TEX15: variants seen among roughly 807,000 people sequenced by gnomAD.
TEX15 encodes the protein testis-expressed protein 15.
A neutral mutation model predicts 237.3 loss-of-function variants in TEX15; 171 were observed. That is an observed-to-expected ratio of 0.72 (90% CI 0.64 to 0.82). The LOEUF (loss-of-function observed/expected upper bound fraction) is 0.82, where lower values mean the gene tolerates loss of function less well. Ranked by LOEUF, TEX15 falls within the 40% of genes least tolerant of loss-of-function variation. TEX15 has a pLI of 0.00. For synonymous variants in TEX15, 1,338 were observed against 1,269.8 expected (o/e 1.05, Z -1.14); for missense variants, 3,750 against 3,646.5 (o/e 1.03, Z -0.73).
At chr8:30,885,998 T>G (rs951365551) in intron 3 of TEX15, among the ~76,000 whole-genome samples, 2 of 152,226 alleles carry the variant, frequency 1.3e-5, no homozygotes, top group Admixed American at 6.5e-5. Flanking sequence ...TCCAAGTATC[T>G]TCATGGTAGC....
chr8:30,895,183 A>T (rs1432775349), intron 2 of TEX15, among the ~76,000 whole-genome samples: 2 of 152,028 alleles, frequency 1.3e-5, no homozygotes, highest in Non-Finnish European at 2.9e-5. Flanking sequence ...CCCATACCAA[A>T]AAAAATATGT....
intron 3 of TEX15, 55 bp downstream of exon 3, chr8:30,887,112 A>G: frequency 4.2e-6 from 6 of 1,414,658 alleles, no homozygotes; most frequent in Non-Finnish European, 4.7e-6. Flanking sequence ...TAAACTAAGA[A>G]TCAGAGAAAT....
rs1182736689 is a variant in TEX15, at chr8:30,874,894, AAC to A, written c.302+41_302+42del. 1.3e-5 allele frequency: 15 copies of A among 1,198,396 alleles called. No homozygotes were observed. In the African/African-American group the frequency reaches 2.3e-4, roughly 19 times the overall value. The allele number at this position is 1,198,396 out of a possible 1,614,324, so 74.2% of individuals were successfully genotyped here. On this transcript the variant is annotated intron_variant, in intron 4 of 10. Transcript: ENST00000643185. ...ATTAGCATAAAACTCCATAGTAACA[AAC>A]ACAACAAAATCTCAAACACGTTTAG...
intron 4 of TEX15, among the ~76,000 whole-genome samples, chr8:30,872,970 T>A (rs1585301135): frequency 6.6e-6 from 1 of 152,164 alleles, no homozygotes; most frequent in African/African-American, 2.4e-5. Flanking sequence ...GTGTTTATAA[T>A]GTCTACAGTA....
chr8:30,910,141 A>T (rs992032136), intron 1 of TEX15, among the ~76,000 whole-genome samples: 9 of 151,580 alleles, frequency 5.9e-5, no homozygotes, highest in Non-Finnish European at 1.2e-4. Flanking sequence ...GAAATTTTGT[A>T]ATCCAGTACA....
intron 1 of TEX15, among the ~76,000 whole-genome samples, chr8:30,904,961 T>G (rs1465844214): frequency 2.0e-5 from 3 of 152,208 alleles, no homozygotes; most frequent in African/African-American, 7.2e-5. Context: ...ATGTATCTAA[T>G]TATACATCTT....
At position 30,837,023 on chromosome 8, in the gene TEX15, T is replaced by C; in HGVS notation, c.9261A>G (p.Thr3087=). 6.2e-7 allele frequency: 1 copy of C among 1,614,174 alleles called. No homozygotes were observed. Among genetic ancestry groups the C allele is most frequent in the Non-Finnish European group, 8.5e-7 (1 of 1,180,032 alleles). ...ATTGAGAGTACAGAAGATTAGAATG[T>C]GTGCCCTGGGCAGTACTTGCAACTG... ...LTTVASTAQG[T]HSNLLYSQYF... Residue 3087 remains threonine, a synonymous_variant, in exon 10 of 11, where the codon ACA becomes ACG. Coordinates refer to ENST00000643185, the MANE Select transcript of TEX15 (RefSeq NM_001350162.2).
chr8:30,859,513 T>G (rs559394802), intron 6 of TEX15, among the ~76,000 whole-genome samples: 1 of 152,136 alleles, frequency 6.6e-6, no homozygotes, highest in East Asian at 1.9e-4. Flanking sequence ...TAAATCAAGG[T>G]AATTAACATG....
chr8:30,898,746 C>A lies in TEX15; in HGVS notation c.-14G>T, dbSNP rs1808953884. On this transcript the variant is annotated 5_prime_UTR_variant, in exon 2 of 11. An upstream open reading frame in the 5' UTR gains an earlier in-frame stop. Transcript: ENST00000643185. ...GCCATTATTTGAAATACTTACCACT[C>A]TTCAATGGCATCCAGCATTACACAG... 1 of 152,148 alleles carries A rather than the reference C, an allele frequency of 6.6e-6. No homozygotes were observed. Among genetic ancestry groups the A allele is most frequent in the Admixed American group, 6.5e-5 (1 of 15,278 alleles). The allele number at this position is 152,148 out of a possible 1,614,324, so 9.4% of individuals were successfully genotyped here.
At chr8:30,839,058 C>T (rs541647451) in intron 9 of TEX15, among the ~76,000 whole-genome samples, 3 of 152,000 alleles carry the variant, frequency 2.0e-5, no homozygotes, top group South Asian at 4.1e-4. Flanking sequence ...TCAGGTGATC[C>T]GCCCGCCTTG....
rs1809028510 is a variant in TEX15 at position 30,902,565 on chromosome 8, T to C, written c.-85-3748A>G. ...TAACACAGGTTGCCAATTCCTGGTA[T>C]ACACATGCAGTAATATCCACATGGG... is the stretch of plus-strand genomic sequence containing the variant. On this transcript the variant is annotated intron_variant, in intron 1 of 10. Coordinates refer to ENST00000643185, the MANE Select transcript of TEX15 (RefSeq NM_001350162.2). Among the ~76,000 whole-genome samples, 6 of 152,334 alleles carry C rather than the reference T, an allele frequency of 3.9e-5. No homozygotes were observed. In the South Asian group the frequency reaches 1.0e-3, roughly 26 times the overall value.
intron 1 of TEX15, among the ~76,000 whole-genome samples, chr8:30,904,593 G>A (rs892407242): frequency 2.0e-5 from 3 of 151,986 alleles, no homozygotes; most frequent in Admixed American, 2.0e-4. Flanking sequence ...AACTAGGATT[G>A]ACCAATACTG....
chr8:30,889,274 A>C (rs1808731904), intron 2 of TEX15, among the ~76,000 whole-genome samples: 1 of 152,038 alleles, frequency 6.6e-6, no homozygotes, highest in Admixed American at 6.6e-5. Context: ...AATATAGTGA[A>C]ACTCCGTCTC....
intron 2 of TEX15, among the ~76,000 whole-genome samples, chr8:30,896,040 T>C (rs547478861): frequency 1.3e-5 from 2 of 152,240 alleles, no homozygotes; most frequent in African/African-American, 4.8e-5. Context: ...AGTTCTTTCA[T>C]TTTTTCTCAA....
chr8:30,864,908 C>T (rs1189973562), intron 5 of TEX15, among the ~76,000 whole-genome samples: 1 of 151,936 alleles, frequency 6.6e-6, no homozygotes, highest in African/African-American at 2.4e-5. Flanking sequence ...TAAACTGTAT[C>T]AGTTTTAAAT....
chr8:30,907,396 TCTA>T (rs1809124338), intron 1 of TEX15, among the ~76,000 whole-genome samples: 1 of 150,196 alleles, frequency 6.7e-6, no homozygotes, highest in African/African-American at 2.5e-5. Flanking sequence ...CTCTTGAGTA[TCTA>T]GGACTACAGG....
intron 7 of TEX15, among the ~76,000 whole-genome samples, chr8:30,858,240 T>C (rs972974809): frequency 1.4e-4 from 21 of 152,138 alleles, no homozygotes; most frequent in African/African-American, 3.4e-4. Flanking sequence ...AGTATGATTC[T>C]AGATCTATAA....
At position 30,832,601 on chromosome 8, in the gene TEX15, T is replaced by G. The variant is rs1019223416; in HGVS notation, c.*685A>C. ...AGACTAACTGCATAAGCATAAACAT[T>G]ATTCTCTATTATTTGCTAGAAAATC... On this transcript the variant is annotated 3_prime_UTR_variant, in exon 11 of 11. Transcript: ENST00000643185. The G allele has an allele frequency of 6.6e-6, 1 of 152,224 alleles. No homozygotes were observed. Among genetic ancestry groups the G allele is most frequent in the African/African-American group, 2.4e-5 (1 of 41,462 alleles). 9.4% of individuals were successfully genotyped at this position (152,224 alleles called of 1,614,324 possible).
intron 2 of TEX15, chr8:30,887,865 C>A (rs1808689689): frequency 7.1e-6 from 1 of 140,656 alleles, no homozygotes; most frequent in Admixed American, 7.3e-5. Context: ...ATATTTCGCA[C>A]ATATATATTT....
Sources: gnomAD v4.1 joint callset for allele counts (sites outside exome capture counted in the v4.1 genomes callset) on GRCh38, gnomAD v4.1.1 for gene constraint, MANE v1.5 for transcripts, NCBI Gene and HGNC (gene_info 2026-07-23, HGNC 2026-07-21) for gene names.